GRIK1: variants seen among roughly 807,000 people sequenced by gnomAD.
GRIK1 encodes glutamate receptor ionotropic, kainate 1.
A neutral mutation model predicts 105.7 loss-of-function variants in GRIK1; 69 were observed. The observed-to-expected ratio is 0.65, with a 90% CI of 0.54 to 0.80. The LOEUF is 0.80. Among genes scored for constraint, GRIK1 ranks in the 30% least tolerant of loss-of-function variants. GRIK1 has a pLI of 0.00. For missense variants in GRIK1, 1,109 were observed against 1,167.3 expected, an observed-to-expected ratio of 0.95 and a Z score of 0.73; for synonymous variants, 438 against 431.3, an observed-to-expected ratio of 1.02 and a Z score of -0.19.
intron 1 of GRIK1, among the ~76,000 whole-genome samples, chr21:29,824,785 T>G (rs1286961739): frequency 6.6e-6 from 1 of 151,950 alleles, no homozygotes; most frequent in Non-Finnish European, 1.5e-5. Context: ...TTAATGGCAA[T>G]ACTATGGAGG....
intron 1 of GRIK1, among the ~76,000 whole-genome samples, chr21:29,884,456 AC>A (rs1449826040): frequency 2.0e-5 from 3 of 151,602 alleles, no homozygotes; most frequent in Admixed American, 6.6e-5. Flanking sequence ...CTCTACTCCC[AC>A]CCCCGACTCT....
intron 9 of GRIK1, among the ~76,000 whole-genome samples, chr21:29,595,340 G>GTTTTTTT (rs71191119): frequency 8.0e-5 from 11 of 136,972 alleles, no homozygotes; most frequent in Non-Finnish European, 7.9e-5. Context: ...AGTGTAATAG[G>GTTTTTTT]TTTTTTTTTT....
chr21:29,605,716 T>C (rs1040905412), intron 7 of GRIK1, among the ~76,000 whole-genome samples: 4 of 152,176 alleles, frequency 2.6e-5, no homozygotes, highest in African/African-American at 9.7e-5. Flanking sequence ...CTCGGCAACC[T>C]CGCCAGCATC....
intron 6 of GRIK1, among the ~76,000 whole-genome samples, chr21:29,644,357 T>G (rs918057776): frequency 6.6e-6 from 1 of 152,334 alleles, no homozygotes; most frequent in Non-Finnish European, 1.5e-5. Context: ...AAATTTAAGT[T>G]AGCTTTGGTG....
At chr21:29,789,246 C>T (rs1263640388) in intron 1 of GRIK1, among the ~76,000 whole-genome samples, 2 of 152,222 alleles carry the variant, frequency 1.3e-5, no homozygotes, top group East Asian at 3.8e-4. Flanking sequence ...AGGCCAGATG[C>T]AGACCTTCCA....
intron 15 of GRIK1, among the ~76,000 whole-genome samples, chr21:29,560,351 CTTT>C (rs2090385702): frequency 2.3e-5 from 2 of 88,496 alleles, no homozygotes; most frequent in East Asian, 6.2e-4. Context: ...TTCTTTCTTT[CTTT>C]CTTTTTCTTT....
chr21:29,676,610 C>A (rs371476288), intron 3 of GRIK1, among the ~76,000 whole-genome samples: 22 of 152,246 alleles, frequency 1.4e-4, no homozygotes, highest in South Asian at 6.2e-4. Flanking sequence ...TGGAGTGACC[C>A]AACCCTGCCA....
intron 1 of GRIK1, among the ~76,000 whole-genome samples, chr21:29,779,467 A>G (rs2145770780): frequency 6.8e-6 from 1 of 147,846 alleles, no homozygotes; most frequent in Middle Eastern, 3.4e-3. Context: ...AATATAATAG[A>G]ACAATAGCTT....
intron 1 of GRIK1, among the ~76,000 whole-genome samples, chr21:29,787,476 T>C (rs1417352199): frequency 6.6e-6 from 1 of 152,216 alleles, no homozygotes; most frequent in East Asian, 1.9e-4. Flanking sequence ...ATTTTGTTTA[T>C]TTAATTGATT....
At chr21:29,666,569 G>C (rs969984154) in intron 4 of GRIK1, among the ~76,000 whole-genome samples, 2 of 152,016 alleles carry the variant, frequency 1.3e-5, no homozygotes, top group African/African-American at 4.8e-5. Context: ...TCTTGTTGTT[G>C]CTTCCACTGT....
chr21:29,928,412 A>G (rs1430927955), intron 1 of GRIK1, among the ~76,000 whole-genome samples: 2 of 152,204 alleles, frequency 1.3e-5, no homozygotes, highest in African/African-American at 4.8e-5. Context: ...GAGTCATGGT[A>G]GGAGGACAAT....
chr21:29,613,814 T>G (rs1283195887), intron 7 of GRIK1, among the ~76,000 whole-genome samples: 1 of 152,198 alleles, frequency 6.6e-6, no homozygotes, highest in Non-Finnish European at 1.5e-5. Flanking sequence ...AATGTTGAAA[T>G]GCTCTCATCA....
chr21:29,813,550 T>A (rs969171714), intron 1 of GRIK1, among the ~76,000 whole-genome samples: 15 of 152,308 alleles, frequency 9.8e-5, no homozygotes, highest in African/African-American at 3.4e-4. Context: ...ACATTAAATT[T>A]CTAAATTTGG....
At chr21:29,855,809 G>A (rs1194861896) in intron 1 of GRIK1, among the ~76,000 whole-genome samples, 1 of 152,128 alleles carries the variant, frequency 6.6e-6, no homozygotes, top group Non-Finnish European at 1.5e-5. Flanking sequence ...TTAACTGATT[G>A]GTGATGTTTT....
At chr21:29,583,206 G>A (rs2091059499) in intron 12 of GRIK1, among the ~76,000 whole-genome samples, 1 of 152,080 alleles carries the variant, frequency 6.6e-6, no homozygotes, top group Non-Finnish European at 1.5e-5. Flanking sequence ...AATTGACAAT[G>A]CCATGCCAAC....
At position 29,587,438 on chromosome 21, in the gene GRIK1, A is replaced by G; in HGVS notation, c.1721T>C (p.Leu574Pro). The change falls in exon 12 of 18, where the codon CTG (leucine) becomes CCG (proline). Residue 574 changes from leucine (L) to proline (P), a missense_variant. Around this residue, in one of 5 missense-constraint regions of GRIK1, gnomAD observed 264 missense variants for 306.9 expected, o/e 0.86. Transcript: ENST00000327783. Reference protein sequence around the residue: ...NPGVFSFLNPLSPDIWMYVLL... With the variant: ...NPGVFSFLNPPSPDIWMYVLL... ...CACATACATCCAAATATCTGGAGAC[A>G]GGGGGTTGAGGAAGGAGAAAACGCC... is the stretch of plus-strand genomic sequence containing the variant. 1 of 1,613,850 alleles carries G rather than the reference A, an allele frequency of 6.2e-7. No individual in the cohort carries two copies. Among genetic ancestry groups the G allele is most frequent in the Non-Finnish European group, 8.5e-7 (1 of 1,179,796 alleles).
At chr21:29,800,824 A>G (rs1480272668) in intron 1 of GRIK1, among the ~76,000 whole-genome samples, 1 of 152,224 alleles carries the variant, frequency 6.6e-6, no homozygotes, top group Non-Finnish European at 1.5e-5. Context: ...AAGACCCTGT[A>G]TGTAGACAAG....
chr21:29,939,316 C>T, intron 1 of GRIK1, 67 bp downstream of exon 1: 3 of 952,580 alleles, frequency 3.1e-6, no homozygotes, highest in Non-Finnish European at 4.9e-6. Context: ...CGCCCGGGAC[C>T]CGCTACACCC....
chr21:29,736,829 C>G (rs974085567), intron 1 of GRIK1, among the ~76,000 whole-genome samples: 1 of 151,838 alleles, frequency 6.6e-6, no homozygotes, highest in Non-Finnish European at 1.5e-5. Context: ...AGGCGCCCAC[C>G]ACCATGGCTG....
Sources: gnomAD v4.1 joint callset for allele counts (sites outside exome capture counted in the v4.1 genomes callset) on GRCh38, gnomAD v4.1.1 for gene constraint, gnomAD v4.1.1 regional missense constraint, MANE v1.5 for transcripts, NCBI Gene and HGNC (gene_info 2026-07-23, HGNC 2026-07-21) for gene names.